ENPP2: variants seen among roughly 807,000 people sequenced by gnomAD.
ENPP2 encodes the protein autotaxin.
Under a neutral mutation model 120.2 loss-of-function variants are expected in ENPP2, and 51 were observed. The ratio of observed to expected loss-of-function variants is 0.42; its 90% confidence interval spans 0.34 to 0.54. The LOEUF is 0.54. Among genes scored for constraint, ENPP2 ranks in the 20% least tolerant of loss-of-function variants. The probability of loss-of-function intolerance (pLI) is 0.04; values close to 1 mark genes in which losing one functional copy is unlikely to be tolerated. For missense variants in ENPP2, 920 were observed against 1,066.5 expected, an observed-to-expected ratio of 0.86 and a Z score of 1.91; for synonymous variants, 365 against 366.4, an observed-to-expected ratio of 1.00 and a Z score of 0.04.
chr8:119,641,520 A>C (rs1357472124), upstream of ENPP2, among the ~76,000 whole-genome samples: 1 of 152,262 alleles, frequency 6.6e-6, no homozygotes, highest in Non-Finnish European at 1.5e-5. Flanking sequence ...GAAAAATTAA[A>C]TTCCAACATG....
At chr8:119,624,817 G>A (rs930291772) in intron 3 of ENPP2, among the ~76,000 whole-genome samples, 9 of 152,006 alleles carry the variant, frequency 5.9e-5, no homozygotes, top group Admixed American at 1.3e-4. Context: ...TCAAAGTTTC[G>A]CTGAAACATT....
In ENPP2 at chr8:119,580,186, G is replaced by A. The variant is rs530148683; in HGVS notation, c.1729-19C>T. On this transcript the variant is annotated intron_variant, in intron 18 of 24. Transcript: ENST00000075322. ...ACTTGTTCTTCATGTGTGAAAACCA[G>A]TAAAGGAAAAAAGAAAGCAAATCAG... 1.9e-6 allele frequency: 3 copies of A among 1,604,800 alleles called. No homozygotes were observed. Among genetic ancestry groups the A allele is most frequent in the East Asian group, 2.2e-5 (1 of 44,786 alleles).
chr8:119,595,321 A>T (rs1335040189), intron 11 of ENPP2, among the ~76,000 whole-genome samples: 1 of 152,210 alleles, frequency 6.6e-6, no homozygotes. Flanking sequence ...GGAAGAGTAG[A>T]CATTACTTGT....
chr8:119,566,677 C>T (rs773130005), intron 22 of ENPP2, among the ~76,000 whole-genome samples: 7 of 152,160 alleles, frequency 4.6e-5, no homozygotes, highest in Non-Finnish European at 1.0e-4. Flanking sequence ...AAGGCCTTCT[C>T]CACACCAGCC....
upstream of ENPP2, among the ~76,000 whole-genome samples, chr8:119,639,832 C>A (rs559969234): frequency 1.3e-5 from 2 of 152,126 alleles, no homozygotes; most frequent in African/African-American, 2.4e-5. Flanking sequence ...ATTTGGCAAC[C>A]AGCACACTTT....
At position 119,590,487 on chromosome 8, in the gene ENPP2, T is replaced by G; in HGVS notation, c.1207+18A>C. ...GTATTACCACTCTAACCACTTAATA[T>G]TTTAAGAATCAACTTACATTTAGCA... On this transcript the variant is annotated intron_variant, in intron 13 of 24. Coordinates refer to ENST00000075322, the MANE Select transcript of ENPP2 (RefSeq NM_001040092.3). The G allele has an allele frequency of 6.3e-7, 1 of 1,581,848 alleles. No homozygotes were observed. Among genetic ancestry groups the G allele is most frequent in the Non-Finnish European group, 8.6e-7 (1 of 1,165,284 alleles).
chr8:119,656,464 A>G (rs2130885716), intron 1 of ENPP2, among the ~76,000 whole-genome samples: 1 of 152,290 alleles, frequency 6.6e-6, no homozygotes, highest in South Asian at 2.1e-4. Flanking sequence ...ACCATGTACC[A>G]AGAGCCTACC....
intron 2 of ENPP2, among the ~76,000 whole-genome samples, chr8:119,629,382 A>G (rs1445199785): frequency 2.0e-5 from 3 of 152,138 alleles, no homozygotes; most frequent in Non-Finnish European, 2.9e-5. Context: ...TTTATAATTC[A>G]TGTTTTACTT....
intron 21 of ENPP2, 148 bp from the exon 22 acceptor site, chr8:119,568,400 G>A (rs2243749): frequency 1.9e-5 from 11 of 588,704 alleles, no homozygotes; most frequent in South Asian, 7.1e-5. Context: ...TCCTAACTGC[G>A]TTATACAACA....
intron 18 of ENPP2, among the ~76,000 whole-genome samples, chr8:119,581,920 A>G (rs1417352580): frequency 6.6e-6 from 1 of 151,820 alleles, no homozygotes; most frequent in East Asian, 1.9e-4. Context: ...TTTAGTAGAG[A>G]CAGGGTTTCA....
intron 1 of ENPP2, among the ~76,000 whole-genome samples, chr8:119,671,587 T>A (rs931211644): frequency 6.6e-6 from 1 of 152,102 alleles, no homozygotes; most frequent in Non-Finnish European, 1.5e-5. Context: ...ACTTGAGAAA[T>A]GCCATTTAAG....
intron 11 of ENPP2, among the ~76,000 whole-genome samples, chr8:119,599,615 T>G (rs938873230): frequency 6.6e-6 from 1 of 152,164 alleles, no homozygotes; most frequent in African/African-American, 2.4e-5. Flanking sequence ...GTGGGAACAT[T>G]TCTAACCATT....
At chr8:119,577,778 C>A (rs1812445565) in intron 19 of ENPP2, among the ~76,000 whole-genome samples, 1 of 152,118 alleles carries the variant, frequency 6.6e-6, no homozygotes, top group African/African-American at 2.4e-5. Context: ...GTAACCAGTG[C>A]CAGCCCAGTG....
At position 119,635,839 on chromosome 8, in the gene ENPP2, ACAGT is replaced by A. The variant is rs367941018; in HGVS notation, c.136+2582_136+2585del. The stretch of plus-strand genomic sequence containing the variant: ...CAAGTGTGTTAGTTAATTAATTATG[ACAGT>A]CTGTTTGCACTGCCACAACCTTGAA... On this transcript the variant is annotated intron_variant, in intron 2 of 24. Transcript: ENST00000075322. Among the ~76,000 whole-genome samples the A allele has an allele frequency of 1.9e-4, 29 of 152,314 alleles. No individual in the cohort carries two copies. In the East Asian group the frequency reaches 3.7e-3, roughly 19 times the overall value.
chr8:119,565,969 T>C (rs1814392182), intron 22 of ENPP2, among the ~76,000 whole-genome samples: 1 of 152,146 alleles, frequency 6.6e-6, no homozygotes, highest in Non-Finnish European at 1.5e-5. Context: ...ACCATGGTCT[T>C]TGCCTACCTC....
At chr8:119,654,120 A>G (rs1817702032) in intron 1 of ENPP2, among the ~76,000 whole-genome samples, 1 of 143,646 alleles carries the variant, frequency 7.0e-6, no homozygotes, top group Non-Finnish European at 1.5e-5. Flanking sequence ...ACAGAGATAT[A>G]TAATATTATA....
At chr8:119,638,962 C>T (rs1817175430), upstream of ENPP2, 2 of 688,570 alleles carry the variant, frequency 2.9e-6, no homozygotes, top group African/African-American at 1.8e-5. Context: ...CAGCTCTGAG[C>T]CTAAGAGGCT....
chr8:119,640,693 C>T (rs1476132635), upstream of ENPP2, among the ~76,000 whole-genome samples: 1 of 152,136 alleles, frequency 6.6e-6, no homozygotes, highest in African/African-American at 2.4e-5. Context: ...GCTTGTTACC[C>T]AATATCCAAA....
intron 11 of ENPP2, among the ~76,000 whole-genome samples, chr8:119,595,066 T>C (rs1218293430): frequency 6.6e-6 from 1 of 152,218 alleles, no homozygotes; most frequent in Non-Finnish European, 1.5e-5. Flanking sequence ...AACAAAGTGG[T>C]ATTTGCTTCT....
Sources: allele counts gnomAD v4.1 joint callset (sites outside exome capture counted in the v4.1 genomes callset), GRCh38; gene constraint gnomAD v4.1.1; transcripts MANE v1.5; gene names NCBI Gene and HGNC (gene_info 2026-07-23, HGNC 2026-07-21).